Variants in GNG4 observed in about 807,000 individuals in gnomAD.
The protein encoded by GNG4 is G protein subunit gamma 4.
A neutral mutation model predicts 5.8 loss-of-function variants in GNG4; 4 were observed. That is an observed-to-expected ratio of 0.69 (90% confidence interval 0.34 to 1.57). The LOEUF is 1.57. Among genes scored for constraint, GNG4 ranks in the 40% most tolerant of loss-of-function variants. The pLI, the probability that GNG4 is intolerant of heterozygous loss-of-function variation, is 0.06. For missense variants in GNG4, 96 were observed against 95.1 expected (o/e 1.01, Z -0.04); for synonymous variants, 29 against 32.9 (o/e 0.88, Z 0.41).
chr1:235,613,530 TGTCA>T (rs1254189418), intron 1 of GNG4, among the ~76,000 whole-genome samples: 3 of 151,782 alleles, frequency 2.0e-5, no homozygotes, highest in Non-Finnish European at 2.9e-5. Flanking sequence ...GGAGAGTCGG[TGTCA>T]GTCAGAGAGA....
At chr1:235,628,247 T>C (rs890630221) in intron 1 of GNG4, among the ~76,000 whole-genome samples, 6 of 152,172 alleles carry the variant, frequency 3.9e-5, no homozygotes, top group Non-Finnish European at 7.3e-5. Flanking sequence ...AGAGTCTTTC[T>C]GGCTTTTGTT....
At chr1:235,577,368 T>TG (rs1687512107) in intron 3 of GNG4, among the ~76,000 whole-genome samples, 1 of 152,288 alleles carries the variant, frequency 6.6e-6, no homozygotes, top group South Asian at 2.1e-4. Flanking sequence ...CACATTCACC[T>TG]GCTAGGCATT....
Position 235,625,106 on chromosome 1 carries a change from G to C in GNG4, c.-123+24556C>G, listed in dbSNP as rs533413390. On this transcript the variant is annotated intron_variant, in intron 1 of 3. Coordinates refer to ENST00000391854, the MANE Select transcript of GNG4 (RefSeq NM_001098722.2). ...TGGCAAAGGGGCTCTGGGGCTCTGG[G>C]GGAGGGAACGAAGATTGATGTCTTT... Among the ~76,000 whole-genome samples, 8 of 151,386 alleles carry C rather than the reference G, an allele frequency of 5.3e-5. No homozygotes were observed. In the South Asian group the frequency reaches 1.7e-3, roughly 31 times the overall value.
At chr1:235,580,758 T>G (rs1558483046) in intron 3 of GNG4, among the ~76,000 whole-genome samples, 2 of 147,790 alleles carry the variant, frequency 1.4e-5, no homozygotes, top group African/African-American at 2.5e-5. Context: ...TTTTTTTTTT[T>G]TTTTTTTCCT....
intron 1 of GNG4, among the ~76,000 whole-genome samples, chr1:235,610,291 C>T (rs1217470030): frequency 6.6e-6 from 1 of 152,230 alleles, no homozygotes; most frequent in African/African-American, 2.4e-5. Context: ...AGACAAACTG[C>T]ATTCTTCTCA....
chr1:235,588,937 C>T (rs1687893566), intron 2 of GNG4: 2 of 152,434 alleles, frequency 1.3e-5, no homozygotes, highest in African/African-American at 4.8e-5. Flanking sequence ...CTGCTCCCGA[C>T]TTGCTGCCCT....
intron 1 of GNG4, among the ~76,000 whole-genome samples, chr1:235,601,694 T>C (rs1293103705): frequency 6.6e-6 from 1 of 152,174 alleles, no homozygotes; most frequent in African/African-American, 2.4e-5. Context: ...CGCTTGCAGC[T>C]ACGTGTGGCT....
chr1:235,619,197 A>ACG (rs1327510288), intron 1 of GNG4, among the ~76,000 whole-genome samples: 6 of 144,640 alleles, frequency 4.1e-5, no homozygotes, highest in Non-Finnish European at 7.5e-5. Flanking sequence ...ATATATACAC[A>ACG]CACACATATA....
At chr1:235,585,842 G>A (rs1020829082) in intron 2 of GNG4, among the ~76,000 whole-genome samples, 7 of 152,130 alleles carry the variant, frequency 4.6e-5, no homozygotes, top group Admixed American at 4.6e-4. Context: ...TTTGCATCAA[G>A]ATTCTTAAGT....
At chr1:235,571,007 C>A (rs746991887) in intron 3 of GNG4, among the ~76,000 whole-genome samples, 48 of 130,412 alleles carry the variant, frequency 3.7e-4, no homozygotes, top group Non-Finnish European at 5.3e-4. Flanking sequence ...TGCCATGTTG[C>A]CTAGGCTGGT....
chr1:235,637,753 G>A (rs529935173), intron 1 of GNG4, among the ~76,000 whole-genome samples: 80 of 152,212 alleles, frequency 5.3e-4, no homozygotes, highest in Non-Finnish European at 9.0e-4. Flanking sequence ...AGGATGCTGC[G>A]GGCACTTAAC....
intron 3 of GNG4, among the ~76,000 whole-genome samples, chr1:235,581,047 T>G (rs1409549536): frequency 1.3e-5 from 2 of 152,126 alleles, no homozygotes; most frequent in Non-Finnish European, 2.9e-5. Flanking sequence ...CCACCACATC[T>G]GGCCTGCCTA....
At chr1:235,567,118 G>C (rs1212280705) in intron 3 of GNG4, among the ~76,000 whole-genome samples, 4 of 151,814 alleles carry the variant, frequency 2.6e-5, no homozygotes, top group Non-Finnish European at 5.9e-5. Context: ...AAATTTAGTA[G>C]AGATGTGGTC....
At chr1:235,553,328 G>A (rs537576058) in intron 3 of GNG4, among the ~76,000 whole-genome samples, 2 of 152,324 alleles carry the variant, frequency 1.3e-5, no homozygotes, top group East Asian at 3.9e-4. Flanking sequence ...TAAATGGCCT[G>A]TGCATTAACT....
intron 1 of GNG4, among the ~76,000 whole-genome samples, chr1:235,646,803 G>A (rs1039457000): frequency 6.6e-6 from 1 of 152,198 alleles, no homozygotes; most frequent in Admixed American, 6.5e-5. Context: ...GCAATTAGAG[G>A]AATTTGGAAC....
rs377704220 is a variant in GNG4 at position 235,630,301 on chromosome 1, C to T, written c.-123+19361G>A. ...TCTTGTGGGACTATTTCAGAAAGGT[C>T]CCCACATTGTCAGCACCTTAAAGCT... On this transcript the variant is annotated intron_variant, in intron 1 of 3. Coordinates refer to ENST00000391854, the MANE Select transcript of GNG4 (RefSeq NM_001098722.2). Among the ~76,000 whole-genome samples the T allele has an allele frequency of 2.0e-3, 308 of 152,290 alleles. 1 individual carries two copies. The highest frequency in any genetic ancestry group is 7.0e-3 in the African/African-American group (292 of 41,562).
chr1:235,563,043 C>A (rs1443496620), intron 3 of GNG4, among the ~76,000 whole-genome samples: 1 of 152,130 alleles, frequency 6.6e-6, no homozygotes. Flanking sequence ...ATTGTTTCTG[C>A]TGTCTTATTT....
chr1:235,563,368 G>A (rs1439393244), intron 3 of GNG4, among the ~76,000 whole-genome samples: 8 of 122,866 alleles, frequency 6.5e-5, no homozygotes, highest in East Asian at 2.6e-4. Flanking sequence ...ATCGCCCCAC[G>A]GCATTCCAGC....
intron 3 of GNG4, among the ~76,000 whole-genome samples, chr1:235,562,659 G>GAAAAAAAAAA: frequency 1.9e-5 from 1 of 51,308 alleles, no homozygotes; most frequent in Non-Finnish European, 4.0e-5. Flanking sequence ...AAAAAAAAAA[G>GAAAAAAAAAA]AAAAAAAAAA....
Sources: allele counts gnomAD v4.1 joint callset (sites outside exome capture counted in the v4.1 genomes callset), GRCh38; gene constraint gnomAD v4.1.1; transcripts MANE v1.5; gene names NCBI Gene and HGNC (gene_info 2026-07-23, HGNC 2026-07-21).